KALRN: variants seen among roughly 807,000 people sequenced by gnomAD.
The protein encoded by KALRN is kalirin.
KALRN carries 70 observed loss-of-function variants against 353.7 expected under a neutral mutation model. That is an observed-to-expected ratio of 0.20 (90% CI 0.16 to 0.24). The LOEUF is 0.24. Ranked by LOEUF, KALRN falls within the 10% of genes least tolerant of loss-of-function variation. KALRN has a pLI of 1.00. For synonymous variants in KALRN, 1,391 were observed against 1,434.8 expected (o/e 0.97, Z 0.69); for missense variants, 2,791 against 3,756.7 (o/e 0.74, Z 6.72).
At chr3:124,689,184 C>T (rs989281576) in intron 51 of KALRN, among the ~76,000 whole-genome samples, 3 of 152,204 alleles carry the variant, frequency 2.0e-5, no homozygotes, top group African/African-American at 7.2e-5. Context: ...CTTTCCTCCA[C>T]GACCACTATT....
intron 1 of KALRN, among the ~76,000 whole-genome samples, chr3:124,080,591 A>G (rs1392990426): frequency 6.6e-6 from 1 of 152,220 alleles, no homozygotes; most frequent in Non-Finnish European, 1.5e-5. Context: ...CAGTGTGGAT[A>G]TTCCATAGTT....
chr3:124,697,711 G>A lies in KALRN; in HGVS notation c.7818G>A (p.Glu2606=), dbSNP rs1232267874. Residue 2606 remains glutamate, a synonymous_variant, in exon 55 of 60, where the codon GAG becomes GAA. Coordinates refer to ENST00000682506, the MANE Select transcript of KALRN (RefSeq NM_001388419.1). ...GCACTATTTCTGGTTACACTGTGGAGTACAGAGAGGAAGGTGCACTATCTC... is the reference window on the plus strand; with the variant it reads ...GCACTATTTCTGGTTACACTGTGGAATACAGAGAGGAAGGTGCACTATCTC... ...GNCTISGYTV[E]YREEGSQIWQ... is the part of the protein sequence containing the mutation. The A allele has an allele frequency of 5.7e-6, 9 of 1,579,436 alleles. No homozygotes were observed. Among genetic ancestry groups the A allele is most frequent in the Non-Finnish European group, 7.7e-6 (9 of 1,163,506 alleles).
intron 4 of KALRN, among the ~76,000 whole-genome samples, chr3:124,265,902 G>A (rs2073474174): frequency 6.6e-6 from 1 of 152,094 alleles, no homozygotes; most frequent in Non-Finnish European, 1.5e-5. Context: ...GATCACTTGA[G>A]GTCAGGAGTT....
intron 1 of KALRN, among the ~76,000 whole-genome samples, chr3:124,116,597 C>T (rs2063483352): frequency 6.6e-6 from 1 of 152,142 alleles, no homozygotes; most frequent in African/African-American, 2.4e-5. Context: ...GTAGTTCCCC[C>T]TTATCTGAGG....
At chr3:124,682,297 AC>A (rs1361067410) in intron 51 of KALRN, among the ~76,000 whole-genome samples, 1 of 151,920 alleles carries the variant, frequency 6.6e-6, no homozygotes, top group African/African-American at 2.4e-5. Context: ...CCCCAACCTC[AC>A]CCTTGTCTTC....
At chr3:124,664,334 AGTGTGTGTGT>A (rs750940277) in intron 45 of KALRN, among the ~76,000 whole-genome samples, 2,794 of 126,878 alleles carry the variant, frequency 0.022, 41 homozygotes, top group Non-Finnish European at 0.033. Context: ...TGTACATGTG[AGTGTGTGTGT>A]GTGTGTGTGT....
chr3:124,567,489 G>T (rs927478475), intron 34 of KALRN, among the ~76,000 whole-genome samples: 2 of 152,172 alleles, frequency 1.3e-5, no homozygotes, highest in African/African-American at 4.8e-5. Flanking sequence ...GTGGGGCTGT[G>T]TGTCAGAATT....
Position 124,637,311 on chromosome 3 carries a change from G to A in KALRN, c.5664+8G>A. 6.2e-7 allele frequency: 1 copy of A among 1,608,822 alleles called. No homozygotes were observed. The highest frequency in any genetic ancestry group is 2.2e-5 in the East Asian group (1 of 44,868). ...TTGGTCAAAAACAAGCTGGTAAGTG[G>A]GGGTCCTGGAGGCAGTTCTGTGTGT... On this transcript the variant is annotated splice_region_variant and intron_variant, in intron 37 of 59. Transcript: ENST00000682506.
intron 3 of KALRN, among the ~76,000 whole-genome samples, chr3:124,243,617 C>T (rs1044399547): frequency 1.3e-5 from 2 of 152,062 alleles, no homozygotes; most frequent in Non-Finnish European, 2.9e-5. Context: ...GGGAGTGGAA[C>T]AATAGCAGAG....
intron 33 of KALRN, among the ~76,000 whole-genome samples, chr3:124,497,579 C>G (rs986215947): frequency 1.3e-5 from 2 of 152,150 alleles, no homozygotes; most frequent in African/African-American, 4.8e-5. Context: ...GTAATTCTGA[C>G]AACTGCCCTC....
intron 10 of KALRN, among the ~76,000 whole-genome samples, chr3:124,349,464 T>G (rs1355168995): frequency 1.3e-5 from 2 of 152,192 alleles, no homozygotes; most frequent in Non-Finnish European, 2.9e-5. Context: ...TGCAATTTTT[T>G]TTTAGCTCAT....
intron 34 of KALRN, among the ~76,000 whole-genome samples, chr3:124,572,348 CA>C (rs1183598958): frequency 1.4e-3 from 196 of 140,098 alleles, no homozygotes; most frequent in African/African-American, 4.4e-3. Flanking sequence ...AAACAAAAAA[CA>C]AAAAAAAAAA....
intron 3 of KALRN, among the ~76,000 whole-genome samples, chr3:124,239,113 C>T (rs1009257961): frequency 6.6e-6 from 1 of 152,134 alleles, no homozygotes; most frequent in African/African-American, 2.4e-5. Context: ...TCCTGGTCTG[C>T]TGTCTGCTTA....
intron 57 of KALRN, among the ~76,000 whole-genome samples, chr3:124,710,978 ACTC>A (rs1226621426): frequency 2.6e-5 from 4 of 152,040 alleles, no homozygotes; most frequent in African/African-American, 9.7e-5. Flanking sequence ...GTTTCATTTC[ACTC>A]CTCTGCAAGA....
At chr3:124,603,758 C>A (rs1245496714) in intron 34 of KALRN, among the ~76,000 whole-genome samples, 1 of 152,128 alleles carries the variant, frequency 6.6e-6, no homozygotes, top group African/African-American at 2.4e-5. Context: ...CTATTGGGTT[C>A]CTTTGCCTTA....
intron 3 of KALRN, among the ~76,000 whole-genome samples, chr3:124,241,988 T>C (rs1207806531): frequency 6.6e-6 from 1 of 152,176 alleles, no homozygotes; most frequent in East Asian, 1.9e-4. Flanking sequence ...AAACACATAG[T>C]CTTTTGGGAG....
At chr3:124,312,376 G>A (rs1274714785) in intron 6 of KALRN, among the ~76,000 whole-genome samples, 1 of 152,174 alleles carries the variant, frequency 6.6e-6, no homozygotes. Context: ...GGCCAGGCTG[G>A]TCTTGAACTC....
intron 1 of KALRN, among the ~76,000 whole-genome samples, chr3:124,044,614 CAAAAAAAAA>C (rs758755114): frequency 1.5e-5 from 1 of 67,284 alleles, no homozygotes; most frequent in African/African-American, 5.2e-5. Context: ...ACTCTGTCTC[CAAAAAAAAA>C]AAAAAAAAAA....
intron 34 of KALRN, among the ~76,000 whole-genome samples, chr3:124,631,074 C>T (rs375377306): frequency 2.5e-4 from 38 of 152,284 alleles, no homozygotes; most frequent in African/African-American, 7.7e-4. Flanking sequence ...GCATTTGACA[C>T]GCCGATTTCT....
Sources: gnomAD v4.1 joint callset for allele counts (sites outside exome capture counted in the v4.1 genomes callset) on GRCh38, gnomAD v4.1.1 for gene constraint, MANE v1.5 for transcripts, NCBI Gene and HGNC (gene_info 2026-07-23, HGNC 2026-07-21) for gene names.